The following EYS variants were observed in gnomAD, a reference collection of about 807,000 sequenced individuals.
EYS encodes the protein protein eyes shut homolog.
Under a neutral mutation model 282.1 loss-of-function variants are expected in EYS, and 250 were observed. The ratio of observed to expected loss-of-function variants is 0.89; its 90% CI spans 0.80 to 0.98. EYS has a LOEUF of 0.98. EYS is among the 50% of genes least tolerant of loss of function. The pLI is 0.00. For missense variants in EYS, 4,016 were observed against 3,709.0 expected (o/e 1.08, Z -2.15); for synonymous variants, 1,355 against 1,282.9 (o/e 1.06, Z -1.20).
intron 28 of EYS, among the ~76,000 whole-genome samples, chr6:64,392,039 A>G (rs2150428305): frequency 6.6e-6 from 1 of 152,112 alleles, no homozygotes; most frequent in Non-Finnish European, 1.5e-5. Flanking sequence ...AGGCCATTAC[A>G]TAATGGTAAA....
chr6:65,383,468 T>A (rs182896840), intron 8 of EYS, among the ~76,000 whole-genome samples: 128 of 152,052 alleles, frequency 8.4e-4, no homozygotes, highest in South Asian at 2.1e-3. Context: ...TACTTTTTAA[T>A]TTTTATAGCA....
At chr6:64,375,391 G>T (rs2150416422) in intron 29 of EYS, among the ~76,000 whole-genome samples, 1 of 152,214 alleles carries the variant, frequency 6.6e-6, no homozygotes, top group Non-Finnish European at 1.5e-5. Flanking sequence ...ACTCTTCATT[G>T]AAAACATGAG....
At chr6:63,742,724 A>T (rs1273504022) in intron 41 of EYS, among the ~76,000 whole-genome samples, 1 of 152,164 alleles carries the variant, frequency 6.6e-6, no homozygotes, top group African/African-American at 2.4e-5. Flanking sequence ...ATCTCTTGGC[A>T]TACTCTATCT....
At chr6:64,811,769 C>G (rs1343294846) in intron 22 of EYS, among the ~76,000 whole-genome samples, 1 of 152,072 alleles carries the variant, frequency 6.6e-6, no homozygotes, top group Non-Finnish European at 1.5e-5. Context: ...AGAAGCCAAA[C>G]AGATGCCTAT....
At chr6:64,844,436 A>G (rs1325614049) in intron 19 of EYS, among the ~76,000 whole-genome samples, 1 of 151,774 alleles carries the variant, frequency 6.6e-6, no homozygotes, top group Non-Finnish European at 1.5e-5. Context: ...TATTTTCCAA[A>G]TATACCAATC....
intron 26 of EYS, among the ~76,000 whole-genome samples, chr6:64,589,476 T>C (rs773075057): frequency 1.3e-5 from 2 of 152,094 alleles, no homozygotes; most frequent in Non-Finnish European, 2.9e-5. Context: ...TGAAAAATCT[T>C]ATCTTTCTGG....
At chr6:63,990,595 A>G (rs1767560825) in intron 34 of EYS, among the ~76,000 whole-genome samples, 1 of 151,692 alleles carries the variant, frequency 6.6e-6, no homozygotes, top group Non-Finnish European at 1.5e-5. Flanking sequence ...GATGGTTTGG[A>G]CTAATATGCA....
At chr6:65,245,386 A>G (rs1402479421) in intron 12 of EYS, among the ~76,000 whole-genome samples, 2 of 152,204 alleles carry the variant, frequency 1.3e-5, no homozygotes, top group Non-Finnish European at 2.9e-5. Flanking sequence ...AAATAGCACT[A>G]AGATGGATAA....
intron 1 of EYS, among the ~76,000 whole-genome samples, chr6:65,684,762 T>C (rs1768951453): frequency 6.6e-6 from 1 of 152,088 alleles, no homozygotes; most frequent in Admixed American, 6.6e-5. Context: ...GTACATCGTG[T>C]GTCACGGGGT....
chr6:64,721,537 C>A (rs1174097649), intron 22 of EYS, among the ~76,000 whole-genome samples: 1 of 152,200 alleles, frequency 6.6e-6, no homozygotes, highest in Non-Finnish European at 1.5e-5. Context: ...ATGGGTGGGG[C>A]ACTCTTACAT....
intron 28 of EYS, among the ~76,000 whole-genome samples, chr6:64,400,798 T>C (rs1266149917): frequency 6.6e-6 from 1 of 152,082 alleles, no homozygotes; most frequent in African/African-American, 2.4e-5. Context: ...TTTTGCATAA[T>C]TGTATGTAAA....
intron 32 of EYS, among the ~76,000 whole-genome samples, chr6:64,080,333 G>A (rs980247098): frequency 1.3e-5 from 2 of 152,152 alleles, no homozygotes; most frequent in Non-Finnish European, 2.9e-5. Context: ...TTTTTCATGT[G>A]TCTTTTGGCT....
rs144587049 is a variant in EYS, at chr6:64,023,951, C to T, written c.6726-24768G>A. 8.4e-3 allele frequency among the ~76,000 whole-genome samples: 1,275 copies of T among 152,308 alleles called. 10 individuals are homozygous for T. Among genetic ancestry groups the T allele is most frequent in the Non-Finnish European group, 0.012 (800 of 68,016 alleles). On this transcript the variant is annotated intron_variant, in intron 33 of 42. Transcript: ENST00000503581. ...GCAGCTGCTGTGCTCAATTTCTCAC[C>T]GGGCCTTGGCTGCCTTCCCGCGGGG...
intron 5 of EYS, among the ~76,000 whole-genome samples, chr6:65,463,438 A>G (rs1339476225): frequency 1.3e-5 from 2 of 152,062 alleles, no homozygotes; most frequent in African/African-American, 2.4e-5. Flanking sequence ...TGATTTTCTC[A>G]TATTGTTTTA....
At chr6:65,270,438 T>G (rs549638654) in intron 12 of EYS, among the ~76,000 whole-genome samples, 1 of 152,112 alleles carries the variant, frequency 6.6e-6, no homozygotes, top group African/African-American at 2.4e-5. Flanking sequence ...TGGTTTTGAG[T>G]GAAGGCCATT....
intron 2 of EYS, among the ~76,000 whole-genome samples, chr6:65,585,799 T>TA (rs1765023367): frequency 6.6e-6 from 1 of 152,022 alleles, no homozygotes. Flanking sequence ...ATGAGAGTCT[T>TA]ACAGTTATTG....
chr6:64,367,814 C>T (rs908244367), intron 29 of EYS, among the ~76,000 whole-genome samples: 1 of 152,052 alleles, frequency 6.6e-6, no homozygotes, highest in East Asian at 1.9e-4. Flanking sequence ...CATAGCATTA[C>T]TTCTTTAAGG....
chr6:64,472,339 G>A (rs1043889049), intron 26 of EYS, among the ~76,000 whole-genome samples: 26 of 152,264 alleles, frequency 1.7e-4, no homozygotes, highest in African/African-American at 5.8e-4. Flanking sequence ...TGTTCTTCAC[G>A]TGGCCCATTA....
intron 13 of EYS, among the ~76,000 whole-genome samples, chr6:65,018,422 A>C (rs1772128403): frequency 6.6e-6 from 1 of 152,124 alleles, no homozygotes; most frequent in African/African-American, 2.4e-5. Context: ...GTCTCTCTCA[A>C]TATTTGTCTG....
Sources: gnomAD v4.1 joint callset for allele counts (sites outside exome capture counted in the v4.1 genomes callset) on GRCh38, gnomAD v4.1.1 for gene constraint, MANE v1.5 for transcripts, NCBI Gene and HGNC (gene_info 2026-07-23, HGNC 2026-07-21) for gene names.